MAGI1: variants seen among roughly 807,000 people sequenced by gnomAD.
The protein encoded by MAGI1 is membrane associated guanylate kinase, WW and PDZ domain containing 1.
Under a neutral mutation model 139.9 loss-of-function variants are expected in MAGI1, and 58 were observed. The observed-to-expected ratio is 0.41, with a 90% CI of 0.34 to 0.52. The LOEUF (loss-of-function observed/expected upper bound fraction) is 0.52, where lower values mean the gene tolerates loss of function less well. Among genes scored for constraint, MAGI1 ranks in the 20% least tolerant of loss-of-function variants. The pLI is 0.12. For synonymous variants in MAGI1, 812 were observed against 737.9 expected, an observed-to-expected ratio of 1.10 and a Z score of -1.63; for missense variants, 1,874 against 1,901.6, an observed-to-expected ratio of 0.99 and a Z score of 0.27.
intron 2 of MAGI1, among the ~76,000 whole-genome samples, chr3:65,592,731 G>A (rs928732913): frequency 6.6e-6 from 1 of 152,182 alleles, no homozygotes; most frequent in African/African-American, 2.4e-5. Context: ...ATGAGGGCTA[G>A]TGTGTAATTT....
chr3:65,635,252 A>G (rs977455079), intron 1 of MAGI1, among the ~76,000 whole-genome samples: 9 of 151,924 alleles, frequency 5.9e-5, no homozygotes, highest in Admixed American at 5.9e-4. Flanking sequence ...TTTAGTAGAG[A>G]TGGGATTTCA....
rs902056961 is a variant in MAGI1 at position 65,964,381 on chromosome 3, C to G, written c.313+73615G>C. 2.0e-5 allele frequency among the ~76,000 whole-genome samples: 3 copies of G among 152,192 alleles called. No homozygotes were observed. The East Asian group carries it at 5.8e-4, about 29-fold the overall frequency. On this transcript the variant is annotated intron_variant, in intron 1 of 22. Coordinates refer to ENST00000402939, the MANE Select transcript of MAGI1 (RefSeq NM_001033057.2). ...AAGGTCATCTGAAATCACCTTGACA[C>G]TCCAAACAGGGACTTATATCTGTGG...
intron 1 of MAGI1, among the ~76,000 whole-genome samples, chr3:65,830,500 T>G (rs1431511131): frequency 2.0e-5 from 3 of 152,166 alleles, no homozygotes; most frequent in African/African-American, 7.2e-5. Context: ...TTTAAATCAA[T>G]GCTAAGTTAA....
intron 1 of MAGI1, among the ~76,000 whole-genome samples, chr3:65,978,765 T>C (rs985358599): frequency 1.7e-4 from 26 of 151,938 alleles, no homozygotes; most frequent in African/African-American, 6.0e-4. Context: ...GTAGCTGGGA[T>C]TACAGGCATG....
At chr3:65,961,849 C>G (rs536019043) in intron 1 of MAGI1, among the ~76,000 whole-genome samples, 16 of 152,254 alleles carry the variant, frequency 1.1e-4, no homozygotes, top group African/African-American at 3.6e-4. Context: ...AAAGTTTCTG[C>G]CAGATAAACA....
rs187493133 is a variant in MAGI1, at chr3:65,918,431, A to G, written c.313+119565T>C. On this transcript the variant is annotated intron_variant, in intron 1 of 22. Transcript: ENST00000402939. Reference sequence around the variant, plus strand: ...GAGTCTCGCTCTGTCACCAGGCTGGAGTGCAATGGCGCGATCTCGGCTCAC... The same window carrying G: ...GAGTCTCGCTCTGTCACCAGGCTGGGGTGCAATGGCGCGATCTCGGCTCAC... 4.6e-5 allele frequency among the ~76,000 whole-genome samples: 6 copies of G among 131,062 alleles called. No homozygotes were observed. The East Asian group carries it at 1.2e-3, about 26-fold the overall frequency. The allele number at this position is 131,062 out of a possible 152,430, so 86.0% of individuals were successfully genotyped here. A position where few individuals can be genotyped will look rare whatever the true frequency, so the allele number is the denominator to read the frequency against.
At chr3:65,581,963 A>G (rs555810255) in intron 2 of MAGI1, among the ~76,000 whole-genome samples, 61 of 152,328 alleles carry the variant, frequency 4.0e-4, no homozygotes, top group Non-Finnish European at 6.8e-4. Flanking sequence ...ATCTTTTGAA[A>G]AAAAGTGTAC....
chr3:65,454,699 T>G (rs2107505750), intron 5 of MAGI1, among the ~76,000 whole-genome samples: 1 of 150,786 alleles, frequency 6.6e-6, no homozygotes, highest in East Asian at 1.9e-4. Flanking sequence ...AGTTTTTTAT[T>G]TTTGATTCAA....
intron 2 of MAGI1, among the ~76,000 whole-genome samples, chr3:65,494,902 T>C (rs1952315408): frequency 6.6e-6 from 1 of 152,208 alleles, no homozygotes; most frequent in South Asian, 2.1e-4. Context: ...CTATCTGAAA[T>C]CTGAATATTT....
intron 2 of MAGI1, among the ~76,000 whole-genome samples, chr3:65,615,689 G>A (rs1279510101): frequency 6.6e-6 from 1 of 152,090 alleles, no homozygotes; most frequent in Non-Finnish European, 1.5e-5. Context: ...GAGTCCCATG[G>A]ATAAAAATGT....
chr3:65,425,131 AAC>A (rs1285203760), intron 12 of MAGI1, among the ~76,000 whole-genome samples: 40 of 41,086 alleles, frequency 9.7e-4, no homozygotes, highest in East Asian at 5.5e-3. Flanking sequence ...AAAAAAAAAA[AAC>A]AAAAAAAAAC....
chr3:65,713,585 C>A (rs1316257401), intron 1 of MAGI1, among the ~76,000 whole-genome samples: 1 of 152,204 alleles, frequency 6.6e-6, no homozygotes, highest in Non-Finnish European at 1.5e-5. Flanking sequence ...GATTCTACCA[C>A]TAACCGAGAA....
intron 1 of MAGI1, among the ~76,000 whole-genome samples, chr3:65,793,437 AAGG>A (rs1230993029): frequency 6.6e-6 from 1 of 152,242 alleles, no homozygotes; most frequent in African/African-American, 2.4e-5. Flanking sequence ...AGAAATGCCA[AAGG>A]AGAACAGGAA....
At chr3:65,419,410 A>G (rs1224508594) in intron 12 of MAGI1, among the ~76,000 whole-genome samples, 1 of 152,176 alleles carries the variant, frequency 6.6e-6, no homozygotes, top group African/African-American at 2.4e-5. Context: ...TTCACTTCCA[A>G]GAAAAACACT....
At chr3:65,544,025 G>A (rs949936129) in intron 2 of MAGI1, among the ~76,000 whole-genome samples, 1 of 152,088 alleles carries the variant, frequency 6.6e-6, no homozygotes, top group African/African-American at 2.4e-5. Flanking sequence ...TATGACATAT[G>A]AGTATATATG....
chr3:65,764,805 A>C (rs1295147198), intron 1 of MAGI1, among the ~76,000 whole-genome samples: 1 of 152,194 alleles, frequency 6.6e-6, no homozygotes, highest in African/African-American at 2.4e-5. Flanking sequence ...TGGAATAAGC[A>C]TAGGCGTAAA....
chr3:65,403,640 G>T (rs896348526), intron 12 of MAGI1, among the ~76,000 whole-genome samples: 1 of 152,122 alleles, frequency 6.6e-6, no homozygotes, highest in Non-Finnish European at 1.5e-5. Context: ...CTCTGCCCAG[G>T]ATCCCAATGA....
intron 1 of MAGI1, among the ~76,000 whole-genome samples, chr3:65,641,456 A>G (rs965964802): frequency 4.6e-5 from 7 of 152,208 alleles, no homozygotes; most frequent in African/African-American, 1.7e-4. Context: ...TAGTAATTCC[A>G]AAGTGTAGCC....
chr3:65,505,637 AAAT>A (rs142787163), intron 2 of MAGI1, among the ~76,000 whole-genome samples: 10,299 of 144,340 alleles, frequency 0.071, 944 homozygotes, highest in African/African-American at 0.22. Flanking sequence ...ACAAAGTCTA[AAAT>A]AATAATAATA....
Sources: allele counts gnomAD v4.1 joint callset (sites outside exome capture counted in the v4.1 genomes callset), GRCh38; gene constraint gnomAD v4.1.1; transcripts MANE v1.5; gene names NCBI Gene and HGNC (gene_info 2026-07-23, HGNC 2026-07-21).